Variants in ZFAND5 observed in about 807,000 individuals in gnomAD.
The protein encoded by ZFAND5 is zinc finger AN1-type containing 5.
Under a neutral mutation model 23.6 loss-of-function variants are expected in ZFAND5, and 4 were observed. The ratio of observed to expected loss-of-function variants is 0.17; its 90% CI spans 0.08 to 0.39. ZFAND5 has a LOEUF of 0.39. Among genes scored for constraint, ZFAND5 ranks in the 10% least tolerant of loss-of-function variants. The probability of loss-of-function intolerance (pLI) is 1.00; values close to 1 mark genes in which losing one functional copy is unlikely to be tolerated. For missense variants in ZFAND5, 161 were observed against 253.7 expected, an observed-to-expected ratio of 0.63 and a Z score of 2.48; for synonymous variants, 68 against 80.6, an observed-to-expected ratio of 0.84 and a Z score of 0.84.
At chr9:72,359,391 T>C in intron 5 of ZFAND5, 27 bp downstream of exon 5, 1 of 1,606,790 alleles carries the variant, frequency 6.2e-7, no homozygotes, top group Non-Finnish European at 8.5e-7. Flanking sequence ...AATTCAGAAC[T>C]GAACAAGTAT....
rs12349878 is a variant in ZFAND5 at position 72,353,277 on chromosome 9, T to C, written c.*2676A>G. On this transcript the variant is annotated 3_prime_UTR_variant, in exon 7 of 7. Transcript: ENST00000376962. ...TAGAACTGAGTCCTCTCAGGTGCCT[T>C]ACACACTGATTCCCTTTCTCCCCAG... 8,056 of 152,212 alleles carry C rather than the reference T, an allele frequency of 0.053. 280 individuals carry two copies. Among genetic ancestry groups the C allele is most frequent in the Middle Eastern group, 0.12 (34 of 292 alleles). 9.4% of individuals were successfully genotyped at this position (152,212 alleles called of 1,614,324 possible).
At chr9:72,363,227 T>C (rs1842155215) in intron 2 of ZFAND5, among the ~76,000 whole-genome samples, 2 of 152,306 alleles carry the variant, frequency 1.3e-5, no homozygotes, top group South Asian at 2.1e-4. Context: ...AAAAATACCA[T>C]TACTATTTAT....
At chr9:72,359,322 T>G (rs967116278) in intron 5 of ZFAND5, 96 bp downstream of exon 5, 2 of 1,209,606 alleles carry the variant, frequency 1.7e-6, no homozygotes, top group Non-Finnish European at 1.2e-6. Context: ...CTCTCCCTCC[T>G]CTTTGGTCCT....
chr9:72,360,752 C>A lies in ZFAND5; in HGVS notation c.27G>T (p.Pro9=), dbSNP rs781023772. 12 of 1,610,236 alleles carry A rather than the reference C, an allele frequency of 7.5e-6. No individual in the cohort carries two copies. The highest frequency in any genetic ancestry group is 9.3e-6 in the Non-Finnish European group (11 of 1,177,148). ...ATCCTGTGCTACACAGCATGGGCCC[C>A]GGGGTCTGGTTAGTCTCCTGAGCCA... MAQETNQT[P]GPMLCSTGCG... is the part of the protein sequence containing the mutation. The change falls in exon 3 of 7, where the codon CCG becomes CCT. Residue 9 remains proline, a synonymous_variant. Coordinates refer to ENST00000376962, the MANE Select transcript of ZFAND5 (RefSeq NM_001102420.3).
intron 1 of ZFAND5, 165 bp from the exon 2 acceptor site, chr9:72,363,771 A>G: frequency 4.5e-6 from 2 of 449,032 alleles, no homozygotes; most frequent in Non-Finnish European, 5.9e-6. Flanking sequence ...AAGGAATAAA[A>G]TACATTCGTT....
chr9:72,359,987 TAA>T (rs1587875707), intron 4 of ZFAND5, 121 bp downstream of exon 4: 12 of 742,672 alleles, frequency 1.6e-5, no homozygotes, highest in Non-Finnish European at 2.4e-5. Flanking sequence ...AGTCATGTAT[TAA>T]AAGACACTGA....
intron 6 of ZFAND5, 52 bp downstream of exon 6, chr9:72,356,879 C>T: frequency 6.2e-7 from 1 of 1,601,900 alleles, no homozygotes; most frequent in Non-Finnish European, 8.5e-7. Context: ...TGACCAAAAG[C>T]TCCTTGTTAA....
chr9:72,356,785 C>A, intron 6 of ZFAND5, 146 bp downstream of exon 6: 1 of 988,262 alleles, frequency 1.0e-6, no homozygotes, highest in South Asian at 2.3e-5. Context: ...CACCCCAATA[C>A]CACCTCCTCC....
intron 1 of ZFAND5, chr9:72,364,404 G>C (rs943129760): frequency 1.7e-6 from 2 of 1,204,844 alleles, no homozygotes; most frequent in Admixed American, 3.7e-5. Context: ...CCGCCGCGGA[G>C]GCGAGCGGCC....
At chr9:72,364,423 G>A (rs1467272704) in intron 1 of ZFAND5, 4 of 1,257,602 alleles carry the variant, frequency 3.2e-6, no homozygotes, top group Non-Finnish European at 3.1e-6. Context: ...CCTAGAGGCC[G>A]GCCCCGCAGA....
intron 2 of ZFAND5, among the ~76,000 whole-genome samples, chr9:72,362,799 C>T (rs551375689): frequency 6.6e-6 from 1 of 152,248 alleles, no homozygotes; most frequent in Non-Finnish European, 1.5e-5. Flanking sequence ...CTCAGAAGCT[C>T]AGATCACATG....
intron 2 of ZFAND5, among the ~76,000 whole-genome samples, chr9:72,361,133 A>C (rs1183124458): frequency 6.6e-6 from 1 of 152,236 alleles, no homozygotes; most frequent in Non-Finnish European, 1.5e-5. Flanking sequence ...CTGCTGCACT[A>C]CAGGCAGACC....
intron 5 of ZFAND5, among the ~76,000 whole-genome samples, chr9:72,358,897 G>A (rs1842017581): frequency 6.6e-6 from 1 of 152,054 alleles, no homozygotes; most frequent in Non-Finnish European, 1.5e-5. Flanking sequence ...GGCACTTCTG[G>A]TTGTGCTATA....
At chr9:72,362,907 GCTT>G (rs1378681928) in intron 2 of ZFAND5, among the ~76,000 whole-genome samples, 1 of 152,102 alleles carries the variant, frequency 6.6e-6, no homozygotes, top group Non-Finnish European at 1.5e-5. Context: ...TCTGAAATCA[GCTT>G]CTATTTATAT....
chr9:72,357,018 TACTGGGCTGAGAAACTGATGG>T lies in ZFAND5; in HGVS notation c.385_405del (p.Pro129_Ser135del). The T allele has an allele frequency of 1.9e-6, 3 of 1,613,750 alleles. No homozygotes were observed. Among genetic ancestry groups the T allele is most frequent in the Non-Finnish European group, 2.5e-6 (3 of 1,179,746 alleles). Reference sequence around the variant, plus strand: ...GGAGCTTTTTCTTCACTCTGAGAAGTACTGGGCTGAGAAACTGATGGACTGGGCTGAGTGACAACTGAAAAG... The same window carrying T: ...GGAGCTTTTTCTTCACTCTGAGAAGTACTGGGCTGAGTGACAACTGAAAAG... On this transcript the variant is annotated inframe_deletion, in exon 6 of 7. Coordinates refer to ENST00000376962, the MANE Select transcript of ZFAND5 (RefSeq NM_001102420.3).
chr9:72,360,453 G>C, intron 3 of ZFAND5, 175 bp downstream of exon 3: 1 of 918,142 alleles, frequency 1.1e-6, no homozygotes, highest in Non-Finnish European at 1.6e-6. Flanking sequence ...TAAGATGCTT[G>C]TAGATAGTCA....
In ZFAND5 at chr9:72,356,916, T is replaced by C. The variant is rs190186162; in HGVS notation, c.493+15A>G. 4.3e-6 allele frequency: 7 copies of C among 1,611,450 alleles called. No individual in the cohort carries two copies. The African/African-American group carries it at 8.0e-5, about 18-fold the overall frequency. On this transcript the variant is annotated intron_variant, in intron 6 of 6. Transcript: ENST00000376962. ...TGCAGAAGTAAAACATACATTGTCT[T>C]GTGTTTTGTAATACCTGTAAGACCA...
rs963030888 is a variant in ZFAND5 at position 72,360,334 on chromosome 9, C to T, written c.152-113G>A. 1.1e-5 allele frequency: 11 copies of T among 972,300 alleles called. No homozygotes were observed. The African/African-American group carries it at 1.2e-4, about 10-fold the overall frequency. The allele number at this position is 972,300 out of a possible 1,614,324, so 60.2% of individuals were successfully genotyped here. A position where few individuals can be genotyped will look rare whatever the true frequency, so the allele number is the denominator to read the frequency against. On this transcript the variant is annotated intron_variant, in intron 3 of 6. Coordinates refer to ENST00000376962, the MANE Select transcript of ZFAND5 (RefSeq NM_001102420.3). Reference sequence around the variant, plus strand: ...ATTAGGTTAGTGATATAAGCATTCACTGTGCTGTAATCCTATACTTGAGTA... The same window carrying T: ...ATTAGGTTAGTGATATAAGCATTCATTGTGCTGTAATCCTATACTTGAGTA...
intron 2 of ZFAND5, among the ~76,000 whole-genome samples, chr9:72,361,820 A>G (rs1842112492): frequency 6.6e-6 from 1 of 152,230 alleles, no homozygotes; most frequent in Non-Finnish European, 1.5e-5. Context: ...TTTTCATGTC[A>G]TCTTAAACAT....
Sources: gnomAD v4.1 joint callset for allele counts (sites outside exome capture counted in the v4.1 genomes callset) on GRCh38, gnomAD v4.1.1 for gene constraint, MANE v1.5 for transcripts, NCBI Gene and HGNC (gene_info 2026-07-23, HGNC 2026-07-21) for gene names.